The following ADAMTS20 variants were observed in gnomAD, a reference collection of about 807,000 sequenced individuals.
ADAMTS20 encodes the protein ADAM metallopeptidase with thrombospondin type 1 motif 20.
Under a neutral mutation model 260.1 loss-of-function variants are expected in ADAMTS20, and 225 were observed. The ratio of observed to expected loss-of-function variants is 0.87; its 90% CI spans 0.78 to 0.97. The LOEUF (loss-of-function observed/expected upper bound fraction) is 0.97, where lower values mean the gene tolerates loss of function less well. ADAMTS20 is among the 50% of genes least tolerant of loss of function. The probability of loss-of-function intolerance (pLI) is 0.00; values close to 1 mark genes in which losing one functional copy is unlikely to be tolerated. For synonymous variants in ADAMTS20, 802 were observed against 769.5 expected, an observed-to-expected ratio of 1.04 and a Z score of -0.70; for missense variants, 2,400 against 2,337.7, an observed-to-expected ratio of 1.03 and a Z score of -0.55.
intron 14 of ADAMTS20, 120 bp from the exon 15 acceptor site, chr12:43,446,832 A>G (rs1941771567): frequency 1.3e-6 from 1 of 777,292 alleles, no homozygotes. Flanking sequence ...CCACAGAAAT[A>G]TAGATAACTC....
At chr12:43,389,541 T>C (rs1423642797) in intron 29 of ADAMTS20, among the ~76,000 whole-genome samples, 1 of 152,094 alleles carries the variant, frequency 6.6e-6, no homozygotes, top group Non-Finnish European at 1.5e-5. Context: ...CTTTGTTGGA[T>C]TCAGCCCATG....
intron 37 of ADAMTS20, among the ~76,000 whole-genome samples, chr12:43,360,712 G>GA (rs1354056691): frequency 6.6e-6 from 1 of 151,966 alleles, no homozygotes; most frequent in Non-Finnish European, 1.5e-5. Flanking sequence ...CTAATAATAG[G>GA]AAAAATCAAC....
At chr12:43,403,960 C>G (rs1233652822) in intron 28 of ADAMTS20, among the ~76,000 whole-genome samples, 1 of 152,040 alleles carries the variant, frequency 6.6e-6, no homozygotes, top group Non-Finnish European at 1.5e-5. Context: ...CATTTCATCC[C>G]CACGTATTTT....
rs1941915304 is a variant in ADAMTS20, at chr12:43,453,910, G to C, written c.1757C>G (p.Pro586Arg). 4.4e-6 allele frequency: 7 copies of C among 1,598,002 alleles called. No homozygotes were observed. The South Asian group carries it at 7.9e-5, about 18-fold the overall frequency. The change falls in exon 12 of 39, where the codon CCT becomes CGT. Residue 586 changes from proline to arginine, a missense_variant. By Grantham distance (103) the Pro-to-Arg change is moderately radical (BLOSUM62 -2). Transcript: ENST00000389420. ...IESATRRCNR[P>R]EPRNGGNYCV... is the part of the protein sequence containing the mutation. ...TAGTGACATAAAAAAGACATACTCAGGACGATTACAGCGCCTGGTTGCACT... is the reference window on the plus strand; with the variant it reads ...TAGTGACATAAAAAAGACATACTCACGACGATTACAGCGCCTGGTTGCACT...
intron 14 of ADAMTS20, among the ~76,000 whole-genome samples, chr12:43,448,632 G>A (rs1941806048): frequency 6.6e-6 from 1 of 151,818 alleles, no homozygotes; most frequent in African/African-American, 2.4e-5. Flanking sequence ...GCAAAAACTG[G>A]AAAATGAGAT....
intron 18 of ADAMTS20, among the ~76,000 whole-genome samples, chr12:43,435,673 A>T (rs1941539809): frequency 7.7e-6 from 1 of 129,874 alleles, no homozygotes; most frequent in African/African-American, 2.8e-5. Context: ...AAATAAAAAT[A>T]AAAATAAAAT....
In ADAMTS20 at chr12:43,551,982, C is replaced by A. The variant is rs1592122093; in HGVS notation, c.-61G>T. 1 of 1,449,284 alleles carries A rather than the reference C, an allele frequency of 6.9e-7. No homozygotes were observed. Among genetic ancestry groups the A allele is most frequent in the East Asian group, 2.3e-5 (1 of 43,972 alleles). 89.8% of individuals were successfully genotyped at this position (1,449,284 alleles called of 1,614,324 possible). On this transcript the variant is annotated 5_prime_UTR_variant, in exon 1 of 39. Coordinates refer to ENST00000389420, the MANE Select transcript of ADAMTS20 (RefSeq NM_025003.5). This position sits in a 1 kb window ranked among gnomAD's most constrained non-coding sequence, Gnocchi z 4.6. ...CCAGAGCCGCCGGCAGCCAAGCCGGCTTCCCTCGCGCTCCGATCCCTCTCC... is the reference window on the plus strand; with the variant it reads ...CCAGAGCCGCCGGCAGCCAAGCCGGATTCCCTCGCGCTCCGATCCCTCTCC...
intron 2 of ADAMTS20, among the ~76,000 whole-genome samples, chr12:43,545,034 C>T (rs962723648): frequency 9.9e-5 from 15 of 152,132 alleles, no homozygotes; most frequent in African/African-American, 3.6e-4. Flanking sequence ...CCAGACATTG[C>T]CAAATGTCTT....
intron 7 of ADAMTS20, among the ~76,000 whole-genome samples, chr12:43,488,257 T>A (rs191541728): frequency 2.0e-5 from 3 of 152,136 alleles, no homozygotes; most frequent in East Asian, 3.9e-4. Context: ...TGGCTTTTTT[T>A]AAACTTATGT....
chr12:43,450,200 T>C (rs1461610674), intron 14 of ADAMTS20, among the ~76,000 whole-genome samples: 1 of 152,134 alleles, frequency 6.6e-6, no homozygotes, highest in East Asian at 1.9e-4. Flanking sequence ...AATGAATGAA[T>C]ATACAAGTAG....
intron 18 of ADAMTS20, among the ~76,000 whole-genome samples, chr12:43,437,203 T>G (rs1941574048): frequency 6.6e-6 from 1 of 152,162 alleles, no homozygotes; most frequent in African/African-American, 2.4e-5. Flanking sequence ...AGGTATTATA[T>G]TCATAAAACA....
intron 29 of ADAMTS20, among the ~76,000 whole-genome samples, chr12:43,396,032 C>A (rs971203618): frequency 1.3e-5 from 2 of 151,730 alleles, no homozygotes; most frequent in African/African-American, 4.8e-5. Context: ...AAAAAAAAAT[C>A]CCCTCGCTTC....
chr12:43,380,146 T>C (rs1354427348), intron 31 of ADAMTS20, among the ~76,000 whole-genome samples: 1 of 152,156 alleles, frequency 6.6e-6, no homozygotes, highest in Non-Finnish European at 1.5e-5. Flanking sequence ...CATATGAAAG[T>C]CAATCTATGT....
intron 29 of ADAMTS20, among the ~76,000 whole-genome samples, chr12:43,394,956 CCTT>C (rs1940669750): frequency 6.6e-6 from 1 of 152,040 alleles, no homozygotes; most frequent in South Asian, 2.1e-4. Context: ...CTTGCTGCTC[CCTT>C]CTTCTCATTT....
chr12:43,502,123 A>G, intron 4 of ADAMTS20, 29 bp downstream of exon 4: 2 of 1,503,594 alleles, frequency 1.3e-6, no homozygotes, highest in South Asian at 1.4e-5. Context: ...CATTTTAGGA[A>G]ATATAAAAGT....
Position 43,383,882 on chromosome 12 carries a change from G to A in ADAMTS20, c.4548C>T (p.Ser1516=). ...GQVVEEMCDQ[S]TRPCSQRRCW... ...ATCGCCTCTGAGAACAAGGTCGGGT[G>A]GACTGATCACACATTTCTTCAACCA... Residue 1516 remains serine, a synonymous_variant, in exon 30 of 39, where the codon TCC becomes TCT. Coordinates refer to ENST00000389420, the MANE Select transcript of ADAMTS20 (RefSeq NM_025003.5). 2 of 1,613,926 alleles carry A rather than the reference G, an allele frequency of 1.2e-6. No individual in the cohort carries two copies. The highest frequency in any genetic ancestry group is 8.5e-7 in the Non-Finnish European group (1 of 1,179,868).
At chr12:43,521,224 A>G (rs1211629705) in intron 3 of ADAMTS20, among the ~76,000 whole-genome samples, 3 of 152,224 alleles carry the variant, frequency 2.0e-5, no homozygotes, top group Non-Finnish European at 4.4e-5. Flanking sequence ...TTAGGTCTCA[A>G]AGCCAGTTAG....
chr12:43,538,134 A>T (rs529001209), intron 2 of ADAMTS20, among the ~76,000 whole-genome samples: 4 of 152,342 alleles, frequency 2.6e-5, no homozygotes, highest in African/African-American at 9.6e-5. Flanking sequence ...CATTCCCACC[A>T]CAATGTACAA....
chr12:43,427,048 C>T (rs910376231), intron 27 of ADAMTS20, among the ~76,000 whole-genome samples: 3 of 152,162 alleles, frequency 2.0e-5, no homozygotes, highest in Middle Eastern at 3.4e-3. Context: ...TGGCACACAC[C>T]TGTAGTCTCA....
Sources: gnomAD v4.1 joint callset for allele counts (sites outside exome capture counted in the v4.1 genomes callset) on GRCh38, gnomAD v4.1.1 for gene constraint, Gnocchi (gnomAD v3.1) non-coding constraint, MANE v1.5 for transcripts, NCBI Gene and HGNC (gene_info 2026-07-23, HGNC 2026-07-21) for gene names.